NUFIP2: variants seen among roughly 807,000 people sequenced by gnomAD.
The protein encoded by NUFIP2 is FMR1-interacting protein NUFIP2.
In NUFIP2, 6 loss-of-function variants were observed where a neutral mutation model predicts 56.9. The ratio of observed to expected loss-of-function variants is 0.11; its 90% CI spans 0.06 to 0.21. The LOEUF is 0.21. Ranked by LOEUF, NUFIP2 falls within the 10% of genes least tolerant of loss-of-function variation. NUFIP2 has a pLI of 1.00. For missense variants in NUFIP2, 828 were observed against 826.8 expected (o/e 1.00, Z -0.02); for synonymous variants, 321 against 298.2 (o/e 1.08, Z -0.79).
At chr17:29,265,395 C>T (rs1162494161) in intron 3 of NUFIP2, among the ~76,000 whole-genome samples, 18 of 146,430 alleles carry the variant, frequency 1.2e-4, no homozygotes, top group Non-Finnish European at 2.3e-4. Flanking sequence ...CTCCGCCTCC[C>T]GGGTTCACGC....
At chr17:29,293,700 G>A (rs2069232907) in intron 1 of NUFIP2, 83 bp downstream of exon 1, 13 of 1,393,746 alleles carry the variant, frequency 9.3e-6, no homozygotes, top group Non-Finnish European at 1.2e-5. Context: ...GACCCCGTCC[G>A]CGCTTTTCGG....
At chr17:29,264,848 G>A (rs1429250622) in intron 3 of NUFIP2, among the ~76,000 whole-genome samples, 1 of 152,150 alleles carries the variant, frequency 6.6e-6, no homozygotes, top group Non-Finnish European at 1.5e-5. Flanking sequence ...GATCAGAGAT[G>A]GTTGAGTTCA....
intron 2 of NUFIP2, among the ~76,000 whole-genome samples, chr17:29,270,117 A>G (rs1272564067): frequency 1.3e-5 from 2 of 152,182 alleles, no homozygotes; most frequent in Admixed American, 6.5e-5. Context: ...TTCAGGATGA[A>G]TAAGATAATT....
rs1598427655 is a variant in NUFIP2, at chr17:29,260,074, G to T, written c.*4465C>A. The stretch of plus-strand genomic sequence containing the variant: ...TAATTACATTAGTAAAAATAACATC[G>T]ATATTAAGAACTAATGTTAAGCTAT... On this transcript the variant is annotated 3_prime_UTR_variant, in exon 4 of 4. Transcript: ENST00000225388. The T allele has an allele frequency of 6.6e-6, 1 of 152,146 alleles. No individual in the cohort carries two copies. Among genetic ancestry groups the T allele is most frequent in the Non-Finnish European group, 1.5e-5 (1 of 68,030 alleles). 9.4% of individuals were successfully genotyped at this position (152,146 alleles called of 1,614,324 possible).
In NUFIP2 at chr17:29,287,225, C is replaced by G. The variant is rs1383942943; in HGVS notation, c.769G>C (p.Gly257Arg). ...QETSVPTLKQ[G>R]LETFKPDYSE... Reference sequence around the variant, plus strand: ...TAGTCAGGCTTGAAAGTTTCAAGTCCCTGTTTTAAGGTTGGGACACTGGTC... The same window carrying G: ...TAGTCAGGCTTGAAAGTTTCAAGTCGCTGTTTTAAGGTTGGGACACTGGTC... The change falls in exon 2 of 4, where the codon GGA becomes CGA. Residue 257 changes from glycine (G) to arginine (R), a missense_variant. By Grantham distance (125) the Gly-to-Arg change is moderately radical. Transcript: ENST00000225388. 6.2e-7 allele frequency: 1 copy of G among 1,613,928 alleles called. No homozygotes were observed. Among genetic ancestry groups the G allele is most frequent in the Admixed American group, 1.7e-5 (1 of 59,974 alleles).
intron 2 of NUFIP2, among the ~76,000 whole-genome samples, chr17:29,271,361 A>AC (rs1345147734): frequency 2.6e-5 from 4 of 151,932 alleles, no homozygotes; most frequent in Non-Finnish European, 4.4e-5. Context: ...ACATGGTGAA[A>AC]CCCCGTCTCT....
At chr17:29,272,837 ATTCTT>A (rs771043736) in intron 2 of NUFIP2, among the ~76,000 whole-genome samples, 19 of 150,660 alleles carry the variant, frequency 1.3e-4, no homozygotes, top group African/African-American at 4.4e-4. Context: ...TCAGTAACTG[ATTCTT>A]TTTTTTTTTT....
intron 1 of NUFIP2, among the ~76,000 whole-genome samples, chr17:29,288,328 A>T (rs2069190837): frequency 6.6e-6 from 1 of 152,276 alleles, no homozygotes; most frequent in African/African-American, 2.4e-5. Flanking sequence ...TACAGGCGTG[A>T]GCCACACGCC....
intron 1 of NUFIP2, among the ~76,000 whole-genome samples, chr17:29,290,125 T>A (rs1032784158): frequency 6.6e-6 from 1 of 152,006 alleles, no homozygotes; most frequent in Non-Finnish European, 1.5e-5. Flanking sequence ...CCTCAAGTGA[T>A]CTGCCCGCCT....
At chr17:29,269,824 C>T (rs2069060865) in intron 2 of NUFIP2, among the ~76,000 whole-genome samples, 1 of 152,086 alleles carries the variant, frequency 6.6e-6, no homozygotes, top group African/African-American at 2.4e-5. Context: ...GGGTTCACGC[C>T]ATTCTCTTGC....
At position 29,258,772 on chromosome 17, in the gene NUFIP2, G is replaced by A. The variant is rs2068985209; in HGVS notation, c.*5767C>T. On this transcript the variant is annotated 3_prime_UTR_variant, in exon 4 of 4. Transcript: ENST00000225388. ...TGTTAGTGGCTGTGCTACAGGAAAG[G>A]TATCAAAGCAACCTATGGTATATGT... The A allele has an allele frequency of 6.6e-6, 1 of 152,124 alleles. No individual in the cohort carries two copies. Among genetic ancestry groups the A allele is most frequent in the Admixed American group, 6.5e-5 (1 of 15,280 alleles). 9.4% of individuals were successfully genotyped at this position (152,124 alleles called of 1,614,324 possible).
chr17:29,274,441 C>T (rs990124030), intron 2 of NUFIP2, among the ~76,000 whole-genome samples: 4 of 152,188 alleles, frequency 2.6e-5, no homozygotes, highest in Non-Finnish European at 5.9e-5. Flanking sequence ...CCACTGCACT[C>T]CAGCCTGGGC....
chr17:29,272,837 ATTCTTTT>A (rs1258616807), intron 2 of NUFIP2, among the ~76,000 whole-genome samples: 1 of 150,566 alleles, frequency 6.6e-6, no homozygotes, highest in African/African-American at 2.4e-5. Flanking sequence ...TCAGTAACTG[ATTCTTTT>A]TTTTTTTTCT....
intron 2 of NUFIP2, among the ~76,000 whole-genome samples, chr17:29,272,467 C>T (rs1228919969): frequency 1.3e-5 from 2 of 152,074 alleles, no homozygotes; most frequent in Non-Finnish European, 2.9e-5. Flanking sequence ...GTCTCGATCT[C>T]CTGACCTTGT....
chr17:29,267,389 A>G, intron 3 of NUFIP2, 109 bp downstream of exon 3: 1 of 650,694 alleles, frequency 1.5e-6, no homozygotes, highest in Non-Finnish European at 2.7e-6. Flanking sequence ...TAAATAACTC[A>G]AAATACAAAG....
chr17:29,283,586 C>CAGAATA (rs2069153052), intron 2 of NUFIP2, among the ~76,000 whole-genome samples: 1 of 152,126 alleles, frequency 6.6e-6, no homozygotes, highest in African/African-American at 2.4e-5. Flanking sequence ...CTGGGCCTCC[C>CAGAATA]AGAATATTTT....
chr17:29,284,846 T>A (rs1417269052), intron 2 of NUFIP2, among the ~76,000 whole-genome samples: 1 of 151,980 alleles, frequency 6.6e-6, no homozygotes, highest in African/African-American at 2.4e-5. Context: ...ACTATGCTAA[T>A]CATACTTGAC....
intron 2 of NUFIP2, among the ~76,000 whole-genome samples, chr17:29,279,411 A>G (rs1757549888): frequency 6.6e-6 from 1 of 152,146 alleles, no homozygotes; most frequent in African/African-American, 2.4e-5. Context: ...CCTTTATTAT[A>G]CCTCTGCCTG....
At chr17:29,268,316 A>G (rs2069051024) in intron 2 of NUFIP2, among the ~76,000 whole-genome samples, 1 of 152,240 alleles carries the variant, frequency 6.6e-6, no homozygotes, top group Non-Finnish European at 1.5e-5. Flanking sequence ...AGATAAAATA[A>G]TACTTCTCAT....
Sources: allele counts gnomAD v4.1 joint callset (sites outside exome capture counted in the v4.1 genomes callset), GRCh38; gene constraint gnomAD v4.1.1; transcripts MANE v1.5; gene names NCBI Gene and HGNC (gene_info 2026-07-23, HGNC 2026-07-21).